Variants in FMN2 observed in about 807,000 individuals in gnomAD.
The protein encoded by FMN2 is formin 2, also known as formin-2.
In FMN2, 51 loss-of-function variants were observed where a neutral mutation model predicts 142.3. The observed-to-expected ratio is 0.36, with a 90% CI of 0.29 to 0.45. The LOEUF is 0.45. Among genes scored for constraint, FMN2 ranks in the 20% least tolerant of loss-of-function variants. The probability of loss-of-function intolerance (pLI) is 1.00; values close to 1 mark genes in which losing one functional copy is unlikely to be tolerated. For missense variants in FMN2, 1,936 were observed against 2,122.8 expected (o/e 0.91, Z 1.73); for synonymous variants, 882 against 869.8 (o/e 1.01, Z -0.25).
intron 6 of FMN2, among the ~76,000 whole-genome samples, chr1:240,220,663 GTGTT>G (rs1667070549): frequency 9.1e-6 from 1 of 109,754 alleles, no homozygotes; most frequent in South Asian, 3.5e-4. Flanking sequence ...GCATGAGTCT[GTGTT>G]TGTGTGTGTG....
chr1:240,358,633 G>A (rs894581949), intron 14 of FMN2, among the ~76,000 whole-genome samples: 1 of 152,180 alleles, frequency 6.6e-6, no homozygotes, highest in African/African-American at 2.4e-5. Flanking sequence ...GCAGGCAGGA[G>A]AAGTGCTGAG....
chr1:240,407,497 C>T (rs1026166842), intron 15 of FMN2, among the ~76,000 whole-genome samples: 3 of 152,104 alleles, frequency 2.0e-5, no homozygotes, highest in African/African-American at 7.2e-5. Flanking sequence ...ATGACTGATT[C>T]CAGCACCGTT....
At chr1:240,221,907 G>A (rs1667130929) in intron 6 of FMN2, among the ~76,000 whole-genome samples, 1 of 149,592 alleles carries the variant, frequency 6.7e-6, no homozygotes, top group Admixed American at 6.7e-5. Flanking sequence ...GAGTGCAGTG[G>A]CGCAATCTCA....
intron 6 of FMN2, among the ~76,000 whole-genome samples, chr1:240,254,442 T>TG (rs1172504443): frequency 6.6e-6 from 1 of 152,036 alleles, no homozygotes; most frequent in Admixed American, 6.6e-5. Flanking sequence ...TCTTGGGCTC[T>TG]GGGGGAGTGG....
chr1:240,384,023 T>C (rs957907981), intron 14 of FMN2, among the ~76,000 whole-genome samples: 85 of 152,128 alleles, frequency 5.6e-4, no homozygotes, highest in Non-Finnish European at 1.0e-3. Context: ...CTGAAGGCTA[T>C]TATCCTAAGC....
intron 2 of FMN2, chr1:240,144,277 A>C (rs1042346930): frequency 1.9e-6 from 3 of 1,604,086 alleles, no homozygotes; most frequent in Non-Finnish European, 2.6e-6. Context: ...TCATGCGGGC[A>C]GAGTCCACCT....
chr1:240,300,607 A>G (rs1443791874), intron 8 of FMN2, among the ~76,000 whole-genome samples: 1 of 152,110 alleles, frequency 6.6e-6, no homozygotes. Context: ...TGCCCATCAA[A>G]CCGAAATGAA....
chr1:240,184,206 G>C (rs1665277429), intron 3 of FMN2, among the ~76,000 whole-genome samples: 1 of 140,524 alleles, frequency 7.1e-6, no homozygotes, highest in Non-Finnish European at 1.6e-5. Context: ...TCGGAATTTT[G>C]AGGTAACTTT....
intron 15 of FMN2, among the ~76,000 whole-genome samples, chr1:240,397,321 T>C (rs192857950): frequency 6.6e-6 from 1 of 152,312 alleles, no homozygotes; most frequent in East Asian, 1.9e-4. Context: ...GTTGATTTGT[T>C]TAAGTTCCTT....
chr1:240,275,248 A>T (rs190666849), intron 7 of FMN2, among the ~76,000 whole-genome samples: 3 of 151,176 alleles, frequency 2.0e-5, no homozygotes, highest in African/African-American at 7.3e-5. Flanking sequence ...TAGCCCCCCA[A>T]CCCCAAACAG....
At chr1:240,175,749 T>C (rs12748546) in intron 2 of FMN2, among the ~76,000 whole-genome samples, 41,826 of 152,048 alleles carry the variant, frequency 0.28, 5,864 homozygotes, top group South Asian at 0.36. Context: ...AGCCATTCTC[T>C]TGGGTGTGAG....
chr1:240,175,126 C>A (rs555010165), intron 2 of FMN2, among the ~76,000 whole-genome samples: 75 of 152,184 alleles, frequency 4.9e-4, no homozygotes, highest in Non-Finnish European at 8.2e-4. Flanking sequence ...AAATGTCCTC[C>A]AGGTTCATCC....
At chr1:240,276,370 G>T (rs1040740013) in intron 7 of FMN2, among the ~76,000 whole-genome samples, 7 of 152,154 alleles carry the variant, frequency 4.6e-5, no homozygotes, top group African/African-American at 1.4e-4. Flanking sequence ...GAATAATGGT[G>T]CGTGGTTAAG....
intron 15 of FMN2, among the ~76,000 whole-genome samples, chr1:240,395,577 A>G (rs1387763566): frequency 6.6e-6 from 1 of 152,230 alleles, no homozygotes; most frequent in African/African-American, 2.4e-5. Context: ...GGAAGAAGTT[A>G]ATTGTAACCC....
Position 240,397,805 on chromosome 1 carries a change from A to AAG in FMN2, c.4910+5244_4910+5245insGA, listed in dbSNP as rs1553373938. ...CTTCTCAAAAAAAAAAAAAAAAAAA[A>AAG]AAAAAGTTAACCACACCTAAAAACT... On this transcript the variant is annotated intron_variant, in intron 15 of 17. Transcript: ENST00000319653. Among the ~76,000 whole-genome samples the AAG allele has an allele frequency of 6.6e-3, 993 of 150,330 alleles. 17 individuals carry two copies. The highest frequency in any genetic ancestry group is 0.023 in the African/African-American group (933 of 40,452).
At chr1:240,205,701 T>C (rs1395178090) in intron 4 of FMN2, among the ~76,000 whole-genome samples, 1 of 151,884 alleles carries the variant, frequency 6.6e-6, no homozygotes, top group African/African-American at 2.4e-5. Flanking sequence ...GACCTCGTGA[T>C]CCACCCGCCT....
intron 8 of FMN2, among the ~76,000 whole-genome samples, chr1:240,314,353 G>C (rs1297066844): frequency 2.0e-5 from 3 of 151,924 alleles, no homozygotes; most frequent in African/African-American, 4.8e-5. Flanking sequence ...AGAAAGGGAG[G>C]GTTGCTGTAT....
chr1:240,460,340 C>G (rs901514420), intron 16 of FMN2, among the ~76,000 whole-genome samples: 2 of 152,180 alleles, frequency 1.3e-5, no homozygotes, highest in Admixed American at 6.5e-5. Flanking sequence ...GCCTGTAACA[C>G]CAGCACTTTG....
At chr1:240,123,469 T>C in intron 2 of FMN2, 124 bp downstream of exon 2, 1 of 885,434 alleles carries the variant, frequency 1.1e-6, no homozygotes, top group Non-Finnish European at 1.6e-6. Flanking sequence ...TTTTTTTTCC[T>C]TAGCTGCTCA....
Sources: gnomAD v4.1 joint callset for allele counts (sites outside exome capture counted in the v4.1 genomes callset) on GRCh38, gnomAD v4.1.1 for gene constraint, MANE v1.5 for transcripts, NCBI Gene and HGNC (gene_info 2026-07-23, HGNC 2026-07-21) for gene names.